Variants in MAGI2 observed in about 807,000 individuals in gnomAD.
MAGI2 encodes the protein membrane associated guanylate kinase, WW and PDZ domain containing 2, also known as membrane-associated guanylate kinase, WW and PDZ domain-containing protein 2.
In MAGI2, 35 loss-of-function variants were observed where a neutral mutation model predicts 133.3. That is an observed-to-expected ratio of 0.26 (90% CI 0.20 to 0.35). The LOEUF (loss-of-function observed/expected upper bound fraction) is 0.35, where lower values mean the gene tolerates loss of function less well. Among genes scored for constraint, MAGI2 ranks in the 10% least tolerant of loss-of-function variants. The pLI is 1.00. For synonymous variants in MAGI2, 729 were observed against 710.6 expected (o/e 1.03, Z -0.41); for missense variants, 1,636 against 1,863.4 (o/e 0.88, Z 2.25).
intron 5 of MAGI2, among the ~76,000 whole-genome samples, chr7:78,499,164 A>C (rs1417438410): frequency 2.0e-5 from 3 of 152,124 alleles, no homozygotes; most frequent in African/African-American, 7.2e-5. Context: ...CAACTAATAC[A>C]TACTTCTCTA....
intron 1 of MAGI2, among the ~76,000 whole-genome samples, chr7:79,406,334 A>G (rs1845807178): frequency 6.6e-6 from 1 of 152,212 alleles, no homozygotes; most frequent in African/African-American, 2.4e-5. Flanking sequence ...GTGAAGTGTT[A>G]ATTTTGCATT....
intron 6 of MAGI2, among the ~76,000 whole-genome samples, chr7:78,470,939 T>C (rs1029691785): frequency 3.3e-5 from 5 of 152,126 alleles, no homozygotes; most frequent in Admixed American, 1.3e-4. Context: ...AACGTGCCTT[T>C]GAGGTAAGCC....
At chr7:78,729,885 C>T (rs1013771815) in intron 2 of MAGI2, among the ~76,000 whole-genome samples, 9 of 152,128 alleles carry the variant, frequency 5.9e-5, no homozygotes, top group Non-Finnish European at 1.3e-4. Context: ...GTTTGATTTA[C>T]ATCAAGAAAT....
At chr7:79,226,884 A>T (rs1166782096) in intron 1 of MAGI2, among the ~76,000 whole-genome samples, 1 of 152,164 alleles carries the variant, frequency 6.6e-6, no homozygotes, top group Non-Finnish European at 1.5e-5. Flanking sequence ...ATACAAAATG[A>T]TTAGAATATG....
At chr7:78,910,266 T>TC (rs1798309208) in intron 2 of MAGI2, among the ~76,000 whole-genome samples, 1 of 140,866 alleles carries the variant, frequency 7.1e-6, no homozygotes, top group Admixed American at 6.9e-5. Context: ...AGTAATTCTT[T>TC]TTTTTTTTTT....
chr7:78,147,326 A>G (rs1254855352), intron 16 of MAGI2, among the ~76,000 whole-genome samples: 3 of 152,146 alleles, frequency 2.0e-5, no homozygotes, highest in Non-Finnish European at 4.4e-5. Context: ...GAAAAGTGAG[A>G]CCATCACCAC....
intron 2 of MAGI2, among the ~76,000 whole-genome samples, chr7:78,900,725 T>C (rs1797561459): frequency 6.6e-6 from 1 of 152,172 alleles, no homozygotes; most frequent in Admixed American, 6.5e-5. Flanking sequence ...AATTATACCA[T>C]ATATTTATTT....
At chr7:79,397,349 C>A (rs1190618401) in intron 1 of MAGI2, among the ~76,000 whole-genome samples, 1 of 151,790 alleles carries the variant, frequency 6.6e-6, no homozygotes, top group Non-Finnish European at 1.5e-5. Flanking sequence ...ACACAATTAT[C>A]ATTTTAATAG....
At chr7:79,133,262 T>C (rs929666549) in intron 1 of MAGI2, among the ~76,000 whole-genome samples, 16 of 152,208 alleles carry the variant, frequency 1.1e-4, no homozygotes, top group Non-Finnish European at 2.4e-4. Flanking sequence ...CATTATCTTC[T>C]AGAATTTTTA....
chr7:78,842,917 C>A (rs1792269960), intron 2 of MAGI2, among the ~76,000 whole-genome samples: 1 of 151,558 alleles, frequency 6.6e-6, no homozygotes, highest in Admixed American at 6.6e-5. Flanking sequence ...GTTTATCTTA[C>A]ACATGAGTAT....
intron 2 of MAGI2, among the ~76,000 whole-genome samples, chr7:78,643,034 C>T (rs1021109563): frequency 3.9e-5 from 6 of 152,172 alleles, no homozygotes; most frequent in Non-Finnish European, 8.8e-5. Context: ...AATAATGAAA[C>T]TGGGAATCAA....
chr7:79,097,424 T>C (rs1817611312), intron 1 of MAGI2, among the ~76,000 whole-genome samples: 2 of 152,124 alleles, frequency 1.3e-5, no homozygotes, highest in Admixed American at 1.3e-4. Flanking sequence ...GGGGGATCTG[T>C]TATGTTGAGA....
At chr7:79,271,077 C>T (rs1384112026) in intron 1 of MAGI2, among the ~76,000 whole-genome samples, 1 of 152,184 alleles carries the variant, frequency 6.6e-6, no homozygotes, top group East Asian at 1.9e-4. Flanking sequence ...TCTGAACTTT[C>T]TCCCTTAAAA....
chr7:79,449,353 ATTT>A (rs11439144), intron 1 of MAGI2, among the ~76,000 whole-genome samples: 1 of 142,896 alleles, frequency 7.0e-6, no homozygotes, highest in African/African-American at 2.6e-5. Flanking sequence ...AAGAATTAGA[ATTT>A]TTTTTTTTTT....
chr7:78,508,737 G>A (rs1472568926), intron 4 of MAGI2, among the ~76,000 whole-genome samples: 1 of 152,172 alleles, frequency 6.6e-6, no homozygotes. Context: ...ATTCTGACTA[G>A]GGAGAAGGAG....
chr7:79,032,062 T>C lies in MAGI2; in HGVS notation c.302-24856A>G, dbSNP rs373871022. ...ATAATTTTAGCCCTCAGTTGAGCTATATTTCATTACATTAAGTAAAAATGA... is the reference window on the plus strand; with the variant it reads ...ATAATTTTAGCCCTCAGTTGAGCTACATTTCATTACATTAAGTAAAAATGA... On this transcript the variant is annotated intron_variant, in intron 1 of 21. Transcript: ENST00000354212. Among the ~76,000 whole-genome samples the C allele has an allele frequency of 7.9e-5, 12 of 152,290 alleles. No homozygotes were observed. The South Asian group carries it at 2.3e-3, about 29-fold the overall frequency.
intron 2 of MAGI2, among the ~76,000 whole-genome samples, chr7:78,931,769 C>A (rs11772807): frequency 0.062 from 9,371 of 152,094 alleles, 431 homozygotes; most frequent in Non-Finnish European, 0.089. Context: ...ATTATTATAT[C>A]ATAGCAACAA....
At chr7:78,083,655 C>T (rs10229186) in intron 20 of MAGI2, among the ~76,000 whole-genome samples, 30,432 of 152,156 alleles carry the variant, frequency 0.2, 3,059 homozygotes, top group South Asian at 0.24. Flanking sequence ...CAAGGCGGAG[C>T]GGGATAACTG....
At chr7:78,572,867 G>C (rs1225052610) in intron 3 of MAGI2, among the ~76,000 whole-genome samples, 2 of 150,150 alleles carry the variant, frequency 1.3e-5, no homozygotes, top group Non-Finnish European at 3.0e-5. Context: ...TCCCCATGTT[G>C]GTCAGGCTGG....
Sources: gnomAD v4.1 joint callset for allele counts (sites outside exome capture counted in the v4.1 genomes callset) on GRCh38, gnomAD v4.1.1 for gene constraint, MANE v1.5 for transcripts, NCBI Gene and HGNC (gene_info 2026-07-23, HGNC 2026-07-21) for gene names.